DENND1A: variants seen among roughly 807,000 people sequenced by gnomAD.
DENND1A encodes the protein DENN domain-containing protein 1A.
DENND1A carries 51 observed loss-of-function variants against 113.7 expected under a neutral mutation model. That is an observed-to-expected ratio of 0.45 (90% CI 0.36 to 0.57). The LOEUF (loss-of-function observed/expected upper bound fraction) is 0.57, where lower values mean the gene tolerates loss of function less well. DENND1A is among the 20% of genes least tolerant of loss of function. The pLI is 0.00. For missense variants in DENND1A, 1,258 were observed against 1,395.9 expected, an observed-to-expected ratio of 0.90 and a Z score of 1.57; for synonymous variants, 565 against 570.8, an observed-to-expected ratio of 0.99 and a Z score of 0.14.
At chr9:123,426,447 G>A (rs1438239519) in intron 19 of DENND1A, among the ~76,000 whole-genome samples, 1 of 152,200 alleles carries the variant, frequency 6.6e-6, no homozygotes. Flanking sequence ...AAACAGGAAT[G>A]AGCTAGAAAC....
chr9:123,728,667 A>C (rs983370312), intron 5 of DENND1A, among the ~76,000 whole-genome samples: 6 of 152,100 alleles, frequency 3.9e-5, no homozygotes, highest in Non-Finnish European at 7.4e-5. Context: ...AGACTATTTT[A>C]AAAATGAAAA....
intron 4 of DENND1A, chr9:123,759,299 T>A (rs1381756264): frequency 6.6e-6 from 1 of 152,362 alleles, no homozygotes; most frequent in Non-Finnish European, 1.5e-5. Context: ...AGAATTCACA[T>A]TGTGGTGAAG....
chr9:123,803,573 G>A (rs577072239), intron 2 of DENND1A, among the ~76,000 whole-genome samples: 2 of 152,130 alleles, frequency 1.3e-5, no homozygotes, highest in East Asian at 3.9e-4. Context: ...GTCTTATTAC[G>A]TGACCCTTGC....
At chr9:123,871,651 C>T (rs555779726) in intron 2 of DENND1A, among the ~76,000 whole-genome samples, 7 of 152,236 alleles carry the variant, frequency 4.6e-5, no homozygotes, top group South Asian at 2.1e-4. Flanking sequence ...TTAACACCCA[C>T]GTATCTGAGA....
chr9:123,395,988 T>G (rs1178243375), intron 21 of DENND1A, among the ~76,000 whole-genome samples: 1 of 151,860 alleles, frequency 6.6e-6, no homozygotes, highest in Non-Finnish European at 1.5e-5. Flanking sequence ...GGTGTGTGTG[T>G]GTGTGTGTGC....
At chr9:123,714,632 C>A (rs1335966627) in intron 5 of DENND1A, among the ~76,000 whole-genome samples, 1 of 152,020 alleles carries the variant, frequency 6.6e-6, no homozygotes, top group Non-Finnish European at 1.5e-5. Flanking sequence ...AAAACCTACT[C>A]TCAGAGTCAG....
At chr9:123,690,084 AGGAGGGAGGGAG>A (rs1200814385) in intron 5 of DENND1A, among the ~76,000 whole-genome samples, 2 of 59,408 alleles carry the variant, frequency 3.4e-5, no homozygotes, top group East Asian at 6.1e-4. Context: ...GAAGAAGGAA[AGGAGGGAGGGAG>A]GGAGGGAGGG....
chr9:123,441,106 G>A (rs2046900887), intron 18 of DENND1A, among the ~76,000 whole-genome samples: 1 of 151,992 alleles, frequency 6.6e-6, no homozygotes, highest in African/African-American at 2.4e-5. Context: ...AAATTACTAG[G>A]ACAACAGATA....
intron 7 of DENND1A, among the ~76,000 whole-genome samples, chr9:123,669,383 T>C (rs909705525): frequency 2.6e-5 from 4 of 152,198 alleles, no homozygotes; most frequent in African/African-American, 9.7e-5. Flanking sequence ...CAAAACCAAG[T>C]AGTCCCCAGG....
At chr9:123,885,544 T>C (rs909081799) in intron 1 of DENND1A, among the ~76,000 whole-genome samples, 5 of 152,252 alleles carry the variant, frequency 3.3e-5, no homozygotes, top group Non-Finnish European at 7.3e-5. Flanking sequence ...ATGTTTTCCT[T>C]TGGAGTAAAA....
At position 123,786,884 on chromosome 9, in the gene DENND1A, C is replaced by T. The variant is rs541622024; in HGVS notation, c.132+5703G>A. 4.0e-5 allele frequency among the ~76,000 whole-genome samples: 6 copies of T among 151,468 alleles called. No homozygotes were observed. In the East Asian group the frequency reaches 5.8e-4, roughly 15 times the overall value. Reference sequence around the variant, plus strand: ...GTGGATCTAGTTTGAAGAGAACCTGCGAGTACTGGAAGCATGACAACACCC... The same window carrying T: ...GTGGATCTAGTTTGAAGAGAACCTGTGAGTACTGGAAGCATGACAACACCC... On this transcript the variant is annotated intron_variant, in intron 3 of 23. Transcript: ENST00000394215.
chr9:123,443,655 G>T (rs182738156), intron 18 of DENND1A, among the ~76,000 whole-genome samples: 3 of 152,336 alleles, frequency 2.0e-5, no homozygotes, highest in East Asian at 3.9e-4. Context: ...AGGAGCCCAC[G>T]TCAAGGAAGA....
intron 5 of DENND1A, among the ~76,000 whole-genome samples, chr9:123,693,804 A>ATATTATTAT (rs72061275): frequency 0.11 from 15,414 of 140,054 alleles, 923 homozygotes; most frequent in Middle Eastern, 0.16. Flanking sequence ...TTCATTAGCT[A>ATATTATTAT]TATTATTATT....
At chr9:123,864,430 GT>G (rs1845529942) in intron 2 of DENND1A, among the ~76,000 whole-genome samples, 1 of 152,176 alleles carries the variant, frequency 6.6e-6, no homozygotes, top group African/African-American at 2.4e-5. Flanking sequence ...TTTCCCAGGG[GT>G]GGCAGAAAAA....
intron 19 of DENND1A, among the ~76,000 whole-genome samples, chr9:123,426,233 CG>C (rs201400147): frequency 0.011 from 1,676 of 152,232 alleles, 24 homozygotes; most frequent in African/African-American, 0.038. Flanking sequence ...GTGCCACATT[CG>C]GGAGGCTGCA....
At chr9:123,420,226 G>A (rs951001389) in intron 19 of DENND1A, among the ~76,000 whole-genome samples, 1 of 152,210 alleles carries the variant, frequency 6.6e-6, no homozygotes, top group African/African-American at 2.4e-5. Context: ...ATATCCCAGT[G>A]GTCCTGGCGA....
chr9:123,607,513 A>G (rs2060214210), intron 11 of DENND1A, among the ~76,000 whole-genome samples: 1 of 91,686 alleles, frequency 1.1e-5, no homozygotes, highest in Non-Finnish European at 2.2e-5. Flanking sequence ...ACACACACAC[A>G]CACACACAGA....
At position 123,918,765 on chromosome 9, in the gene DENND1A, TGAA is replaced by T. The variant is rs565349230; in HGVS notation, c.17+11121_17+11123del. Among the ~76,000 whole-genome samples the T allele has an allele frequency of 6.1e-3, 925 of 152,262 alleles. 4 individuals are homozygous for T. Among genetic ancestry groups the T allele is most frequent in the Middle Eastern group, 0.01 (3 of 294 alleles). On this transcript the variant is annotated intron_variant, in intron 1 of 23. Transcript: ENST00000394215. Reference sequence around the variant, plus strand: ...CTTTTTACAAGTATCCCAGCTAGTATGAAGAAGAAGTGATAGAAACAAAATATC... The same window carrying T: ...CTTTTTACAAGTATCCCAGCTAGTATGAAGAAGTGATAGAAACAAAATATC...
intron 2 of DENND1A, among the ~76,000 whole-genome samples, chr9:123,851,072 A>C (rs978562536): frequency 6.6e-6 from 1 of 152,224 alleles, no homozygotes; most frequent in African/African-American, 2.4e-5. Context: ...CAAGCATGGA[A>C]GTGTATAATT....
Sources: allele counts gnomAD v4.1 joint callset (sites outside exome capture counted in the v4.1 genomes callset), GRCh38; gene constraint gnomAD v4.1.1; transcripts MANE v1.5; gene names NCBI Gene and HGNC (gene_info 2026-07-23, HGNC 2026-07-21).